The following BABAM1 variants were observed in gnomAD, a reference collection of about 807,000 sequenced individuals.
BABAM1 encodes the protein BRISC and BRCA1-A complex member 1.
Under a neutral mutation model 34.4 loss-of-function variants are expected in BABAM1, and 14 were observed. The observed-to-expected ratio is 0.41, with a 90% CI of 0.27 to 0.64. The LOEUF (loss-of-function observed/expected upper bound fraction) is 0.64, where lower values mean the gene tolerates loss of function less well. Among genes scored for constraint, BABAM1 ranks in the 30% least tolerant of loss-of-function variants. The pLI, the probability that BABAM1 is intolerant of heterozygous loss-of-function variation, is 0.34. For missense variants in BABAM1, 393 were observed against 434.0 expected (o/e 0.91, Z 0.84); for synonymous variants, 169 against 165.8 (o/e 1.02, Z -0.15).
intron 5 of BABAM1, among the ~76,000 whole-genome samples, chr19:17,275,142 T>A (rs1458823745): frequency 2.0e-5 from 3 of 151,916 alleles, no homozygotes; most frequent in Non-Finnish European, 2.9e-5. Context: ...TGGGCTCAAG[T>A]GATCAGCCCA....
At chr19:17,277,169 T>G (rs1393086711) in intron 8 of BABAM1, 2 of 403,046 alleles carry the variant, frequency 5.0e-6, no homozygotes, top group Non-Finnish European at 8.7e-6. Flanking sequence ...GTTCCTTTCT[T>G]TCTTGCTTGC....
At chr19:17,277,467 G>T (rs145071481) in intron 8 of BABAM1, 2,683 of 154,086 alleles carry the variant, frequency 0.017, 78 homozygotes, top group African/African-American at 0.061. Context: ...CTCCCAAAGC[G>T]CTGGGATTAC....
chr19:17,273,603 G>A (rs186266132), intron 3 of BABAM1, among the ~76,000 whole-genome samples: 132 of 125,918 alleles, frequency 1.0e-3, no homozygotes, highest in African/African-American at 3.9e-3. Flanking sequence ...TCACTCTGTC[G>A]CCCAGGCTGG....
chr19:17,276,595 C>G lies in BABAM1; in HGVS notation c.670C>G (p.Pro224Ala). ...ILVYSRPPCQ[P>A]QFSLTEPMKK... ...TGTCTACAGCCGTCCACCTTGCCAG[C>G]CCCAGTTCTCCTTGACGGAGCCCAT... Residue 224 changes from proline (P) to alanine (A), a missense_variant, in exon 7 of 9, where the codon CCC (proline) becomes GCC (alanine). By Grantham distance (27) the Pro-to-Ala change is conservative (BLOSUM62 -1). Coordinates refer to ENST00000598188, the MANE Select transcript of BABAM1 (RefSeq NM_014173.4). 6.2e-7 allele frequency: 1 copy of G among 1,606,310 alleles called. No homozygotes were observed. Among genetic ancestry groups the G allele is most frequent in the Non-Finnish European group, 8.5e-7 (1 of 1,176,544 alleles).
At chr19:17,275,861 A>G (rs1444368857) in intron 6 of BABAM1, 36 bp downstream of exon 6, 2 of 1,601,764 alleles carry the variant, frequency 1.2e-6, no homozygotes, top group Non-Finnish European at 1.7e-6. Flanking sequence ...ATTCACCTTC[A>G]AAGAGAAGGG....
At position 17,278,933 on chromosome 19, in the gene BABAM1, A is replaced by G; in HGVS notation, c.875A>G (p.His292Arg). The G allele has an allele frequency of 6.2e-7, 1 of 1,613,412 alleles. No individual in the cohort carries two copies. Among genetic ancestry groups the G allele is most frequent in the Non-Finnish European group, 8.5e-7 (1 of 1,179,742 alleles). ...VALAGPALEL[H>R]NCMAKLLAHP... ...CTGGCTGGGCCAGCCCTGGAGTTGC[A>G]CAACTGCATGGCGAAACTGTTGGCC... The change falls in exon 9 of 9, where the codon CAC becomes CGC. Residue 292 changes from histidine (H) to arginine (R), a missense_variant. By Grantham distance (29) the His-to-Arg change is conservative. Coordinates refer to ENST00000598188, the MANE Select transcript of BABAM1 (RefSeq NM_014173.4).
chr19:17,270,887 T>G (rs767275361), intron 2 of BABAM1, among the ~76,000 whole-genome samples: 1 of 151,668 alleles, frequency 6.6e-6, no homozygotes, highest in African/African-American at 2.4e-5. Context: ...AGACCAGGTT[T>G]CACCCTGTTA....
chr19:17,277,733 G>C (rs2073927066), intron 8 of BABAM1, among the ~76,000 whole-genome samples: 1 of 152,090 alleles, frequency 6.6e-6, no homozygotes, highest in Admixed American at 6.6e-5. Context: ...CCCCCCTCTA[G>C]CCAGGCGTGG....
At chr19:17,271,537 G>T in intron 2 of BABAM1, 60 bp from the exon 3 acceptor site, 8 of 1,570,924 alleles carry the variant, frequency 5.1e-6, no homozygotes, top group Non-Finnish European at 7.0e-6. Flanking sequence ...GGGCCAGTGA[G>T]TGGTGTGGGG....
At chr19:17,270,976 C>T (rs2145613158) in intron 2 of BABAM1, among the ~76,000 whole-genome samples, 1 of 151,410 alleles carries the variant, frequency 6.6e-6, no homozygotes, top group East Asian at 2.0e-4. Context: ...AGGCATGAGC[C>T]ACCACGCCTG....
At chr19:17,271,914 A>T (rs139478529) in intron 3 of BABAM1, among the ~76,000 whole-genome samples, 239 of 152,102 alleles carry the variant, frequency 1.6e-3, no homozygotes, top group African/African-American at 5.7e-3. Context: ...AAAAAAATAA[A>T]ATATATATAT....
chr19:17,277,784 C>G (rs2073927906), intron 8 of BABAM1, among the ~76,000 whole-genome samples: 1 of 152,148 alleles, frequency 6.6e-6, no homozygotes. Flanking sequence ...GAGGCTGAGA[C>G]AGGAGGCTCG....
At position 17,275,820 on chromosome 19, in the gene BABAM1, C is replaced by T. The variant is rs559241258; in HGVS notation, c.564C>T (p.Ser188=). The part of the protein sequence containing the change: ...CSTFNLEGLF[S]LIQQKTELPV... ...CACCAGATCTGGAAGGACTTTTCAG[C>T]CTCATGTAAGTCCCCTGTGGGGAAA... The change falls in exon 6 of 9, where the codon AGC becomes AGT. Residue 188 remains serine, a synonymous_variant. Coordinates refer to ENST00000598188, the MANE Select transcript of BABAM1 (RefSeq NM_014173.4). 132 of 1,613,718 alleles carry T rather than the reference C, an allele frequency of 8.2e-5. No individual in the cohort carries two copies. In the South Asian group the frequency reaches 1.4e-3, roughly 17 times the overall value.
chr19:17,273,062 G>A (rs1224967761), intron 3 of BABAM1, among the ~76,000 whole-genome samples: 1 of 152,152 alleles, frequency 6.6e-6, no homozygotes, highest in Non-Finnish European at 1.5e-5. Flanking sequence ...AAGGACAACT[G>A]GTAATGTTAA....
chr19:17,279,213 C>A lies in BABAM1; in HGVS notation c.*165C>A. 3.1e-6 allele frequency: 2 copies of A among 646,118 alleles called. No homozygotes were observed. The highest frequency in any genetic ancestry group is 5.0e-6 in the Non-Finnish European group (2 of 398,266). The allele number at this position is 646,118 out of a possible 1,614,324, so 40.0% of individuals were successfully genotyped here. Reference sequence around the variant, plus strand: ...GAAACCCAGGATTCCAGGAGGGATCCCAGGAACTGTGGGCACCCATTTTCT... The same window carrying A: ...GAAACCCAGGATTCCAGGAGGGATCACAGGAACTGTGGGCACCCATTTTCT... On this transcript the variant is annotated 3_prime_UTR_variant, in exon 9 of 9. Transcript: ENST00000598188.
chr19:17,275,422 C>T (rs930871561), intron 5 of BABAM1, among the ~76,000 whole-genome samples: 1 of 152,130 alleles, frequency 6.6e-6, no homozygotes, highest in Non-Finnish European at 1.5e-5. Context: ...TCCCAAGTAG[C>T]TGGGATTACA....
chr19:17,274,699 G>A (rs970047304), intron 5 of BABAM1: 4 of 156,528 alleles, frequency 2.6e-5, no homozygotes, highest in African/African-American at 7.2e-5. Flanking sequence ...TGACAGAAGT[G>A]TCACCATTGT....
At chr19:17,278,767 G>A (rs2073941472) in intron 8 of BABAM1, 78 bp from the exon 9 acceptor site, 1 of 1,394,336 alleles carries the variant, frequency 7.2e-7, no homozygotes, top group South Asian at 1.3e-5. Flanking sequence ...CTTCTGAGAA[G>A]CCCTCCAGGG....
chr19:17,272,469 G>A (rs896828353), intron 3 of BABAM1, among the ~76,000 whole-genome samples: 6 of 151,448 alleles, frequency 4.0e-5, no homozygotes, highest in South Asian at 2.1e-4. Flanking sequence ...GCAGTGGTGC[G>A]ATCTCCGCTC....
Sources: allele counts gnomAD v4.1 joint callset (sites outside exome capture counted in the v4.1 genomes callset), GRCh38; gene constraint gnomAD v4.1.1; transcripts MANE v1.5; gene names NCBI Gene and HGNC (gene_info 2026-07-23, HGNC 2026-07-21).